ATG7: variants seen among roughly 807,000 people sequenced by gnomAD.
ATG7 encodes ubiquitin-like modifier-activating enzyme ATG7.
In ATG7, 70 loss-of-function variants were observed where a neutral mutation model predicts 82.4. The ratio of observed to expected loss-of-function variants is 0.85; its 90% CI spans 0.70 to 1.04. The LOEUF (loss-of-function observed/expected upper bound fraction) is 1.04. ATG7 is among the 50% of genes least tolerant of loss of function. The pLI is 0.00. For synonymous variants in ATG7, 287 were observed against 313.0 expected (o/e 0.92, Z 0.88); for missense variants, 792 against 864.3 (o/e 0.92, Z 1.05).
At chr3:11,299,743 C>G (rs1946488147) in intron 5 of ATG7, among the ~76,000 whole-genome samples, 1 of 152,054 alleles carries the variant, frequency 6.6e-6, no homozygotes, top group African/African-American at 2.4e-5. Flanking sequence ...TCTTGATTCA[C>G]TCCTTTAGTC....
At position 11,491,933 on chromosome 3, in the gene ATG7, C is replaced by T. The variant is rs2090398270; in HGVS notation, c.2080-62878C>T. 7.2e-5 allele frequency among the ~76,000 whole-genome samples: 11 copies of T among 152,302 alleles called. No individual in the cohort carries two copies. In the South Asian group the frequency reaches 2.3e-3, roughly 32 times the overall value. On this transcript the variant is annotated intron_variant, in intron 20 of 20. Coordinates refer to ENST00000693202, the MANE Select transcript of ATG7 (RefSeq NM_001349232.2). Reference sequence around the variant, plus strand: ...TCTTTTTGTTTGTCTGTGCCCTGCCCCCAGAGGTGGAGCCTACAGAGGCAG... The same window carrying T: ...TCTTTTTGTTTGTCTGTGCCCTGCCTCCAGAGGTGGAGCCTACAGAGGCAG...
chr3:11,348,127 A>G (rs1954850373), intron 14 of ATG7, 92 bp downstream of exon 14: 19 of 1,475,176 alleles, frequency 1.3e-5, no homozygotes, highest in Non-Finnish European at 1.6e-5. Context: ...AAAGAGAGTC[A>G]GATATCTGTC....
intron 18 of ATG7, among the ~76,000 whole-genome samples, chr3:11,365,965 A>G (rs2076577767): frequency 6.6e-6 from 1 of 152,142 alleles, no homozygotes; most frequent in Admixed American, 6.5e-5. Flanking sequence ...CATGCCTGTA[A>G]TTCCAGCACT....
chr3:11,566,524 T>G, the ATG7 span, among the ~76,000 whole-genome samples: 1 of 152,190 alleles, frequency 6.6e-6, no homozygotes, highest in Non-Finnish European at 1.5e-5. Context: ...CGGGCCTTGG[T>G]AGCCTCTGGG....
At chr3:11,462,942 A>G (rs1221040685) in intron 20 of ATG7, among the ~76,000 whole-genome samples, 2 of 150,930 alleles carry the variant, frequency 1.3e-5, no homozygotes, top group Admixed American at 6.6e-5. Flanking sequence ...CTGGAGTGTA[A>G]TGGTGCGATC....
chr3:11,488,207 G>T lies in ATG7; in HGVS notation c.2079+61281G>T, dbSNP rs1356455590. On this transcript the variant is annotated intron_variant, in intron 20 of 20. Transcript: ENST00000693202. ...GCTCCTCACATCCCAGACGATGGGC[G>T]GCCAGGCAGAGACACTCCTCACTTC... 651 of 166,046 alleles carry T rather than the reference G, an allele frequency of 3.9e-3. 2 individuals carry two copies. The highest frequency in any genetic ancestry group is 5.7e-3 in the Non-Finnish European group (533 of 93,598). 10.3% of individuals were successfully genotyped at this position (166,046 alleles called of 1,614,324 possible).
At chr3:11,331,518 CCTAAATGCA>C in intron 10 of ATG7, 90 bp downstream of exon 10, 1 of 1,113,310 alleles carries the variant, frequency 9.0e-7, no homozygotes. Context: ...TCTCTGTTTT[CCTAAATGCA>C]TTATTTTTTC....
At chr3:11,500,829 C>T (rs1244128736) in intron 20 of ATG7, among the ~76,000 whole-genome samples, 1 of 152,188 alleles carries the variant, frequency 6.6e-6, no homozygotes, top group East Asian at 1.9e-4. Context: ...CGGGGTTTCA[C>T]CATGTTGGCC....
chr3:11,315,481 T>G lies in ATG7; in HGVS notation c.666T>G (p.Gly222=). 1 of 1,596,630 alleles carries G rather than the reference T, an allele frequency of 6.3e-7. No homozygotes were observed. The highest frequency in any genetic ancestry group is 1.2e-5 in the South Asian group (1 of 86,754). Residue 222 remains glycine (G), a synonymous_variant, in exon 9 of 21, where the codon GGT becomes GGG. Coordinates refer to ENST00000693202, the MANE Select transcript of ATG7 (RefSeq NM_001349232.2). The part of the protein sequence containing the change: ...LLKHYSDFFQ[G]QRTKITIGVY... ...AACACTACAGTGATTTCTTCCAAGG[T>G]CAAAGGACGAAGGTCAGATAAACTT... is the stretch of plus-strand genomic sequence containing the variant.
chr3:11,292,366 TCTC>T (rs1945131181), intron 3 of ATG7, among the ~76,000 whole-genome samples: 1 of 151,930 alleles, frequency 6.6e-6, no homozygotes, highest in African/African-American at 2.4e-5. Context: ...TTCAAACAAT[TCTC>T]CTGCGTCAGC....
chr3:11,516,004 G>A (rs1245040641), intron 20 of ATG7, among the ~76,000 whole-genome samples: 1 of 149,888 alleles, frequency 6.7e-6, no homozygotes, highest in African/African-American at 2.5e-5. Flanking sequence ...AAGGACATAC[G>A]TTTTGGGAAC....
At chr3:11,340,418 G>C (rs1198260434) in intron 11 of ATG7, among the ~76,000 whole-genome samples, 1 of 151,978 alleles carries the variant, frequency 6.6e-6, no homozygotes, top group Non-Finnish European at 1.5e-5. Context: ...GCTTGGGTTT[G>C]ATGGTCCCTA....
chr3:11,323,831 T>C (rs1371414227), intron 9 of ATG7, among the ~76,000 whole-genome samples: 1 of 152,212 alleles, frequency 6.6e-6, no homozygotes, highest in Non-Finnish European at 1.5e-5. Context: ...TTCAGTTTTT[T>C]CCCCCATACT....
chr3:11,450,986 A>G (rs942960945), intron 20 of ATG7, among the ~76,000 whole-genome samples: 12 of 152,214 alleles, frequency 7.9e-5, no homozygotes, highest in African/African-American at 2.9e-4. Context: ...AGACCTTAGT[A>G]TATTGCCTTG....
chr3:11,524,189 C>T (rs1559797064), intron 20 of ATG7, among the ~76,000 whole-genome samples: 1 of 152,210 alleles, frequency 6.6e-6, no homozygotes, highest in Non-Finnish European at 1.5e-5. Flanking sequence ...GTCTACCTGG[C>T]AGGCTCCCCT....
intron 20 of ATG7, among the ~76,000 whole-genome samples, chr3:11,459,455 A>C (rs1468541600): frequency 2.6e-5 from 4 of 151,812 alleles, no homozygotes. Context: ...GAAATAATTA[A>C]TTCTGGACGT....
chr3:11,278,462 G>T (rs1454333475), intron 1 of ATG7, among the ~76,000 whole-genome samples: 1 of 152,164 alleles, frequency 6.6e-6, no homozygotes, highest in Non-Finnish European at 1.5e-5. Flanking sequence ...TTCAGGGTCC[G>T]TGACTTCCCG....
chr3:11,294,753 C>A (rs1337601750), intron 3 of ATG7, among the ~76,000 whole-genome samples: 1 of 152,182 alleles, frequency 6.6e-6, no homozygotes, highest in South Asian at 2.1e-4. Context: ...ATCACTATCC[C>A]TTCTCTTATC....
intron 19 of ATG7, among the ~76,000 whole-genome samples, chr3:11,412,099 C>T (rs1334742610): frequency 1.3e-5 from 2 of 151,850 alleles, no homozygotes; most frequent in Non-Finnish European, 2.9e-5. Flanking sequence ...GGTGCTGCAG[C>T]CAAGGAGATA....
Sources: allele counts gnomAD v4.1 joint callset (sites outside exome capture counted in the v4.1 genomes callset), GRCh38; gene constraint gnomAD v4.1.1; transcripts MANE v1.5; gene names NCBI Gene and HGNC (gene_info 2026-07-23, HGNC 2026-07-21).